Variants in CASP4 observed in about 807,000 individuals in gnomAD.
CASP4 encodes the protein caspase 4.
CASP4 carries 29 observed loss-of-function variants against 41.3 expected under a neutral mutation model. The ratio of observed to expected loss-of-function variants is 0.70; its 90% CI spans 0.52 to 0.96. CASP4 has a LOEUF of 0.96. Ranked by LOEUF, CASP4 falls within the 40% of genes least tolerant of loss-of-function variation. The pLI, the probability that CASP4 is intolerant of heterozygous loss-of-function variation, is 0.00. For missense variants in CASP4, 447 were observed against 460.6 expected (o/e 0.97, Z 0.27); for synonymous variants, 185 against 158.4 (o/e 1.17, Z -1.26).
rs1860596115 is a variant in CASP4 at position 104,950,954 on chromosome 11, C to T, written c.517G>A (p.Val173Ile). The part of the protein sequence containing the change: ...KELLEGLDYS[V>I]DVEENLTARD... ...GCTGTCAGATTCTCTTCTACATCTA[C>T]ACTATAGTCCAGACCCTCAAGTAGC... Residue 173 changes from valine to isoleucine, a missense_variant, in exon 4 of 9, where the codon GTA (valine) becomes ATA (isoleucine). By Grantham distance (29) the Val-to-Ile change is conservative. Transcript: ENST00000444739. 1 of 1,612,978 alleles carries T rather than the reference C, an allele frequency of 6.2e-7. No homozygotes were observed. The highest frequency in any genetic ancestry group is 8.5e-7 in the Non-Finnish European group (1 of 1,179,390).
intron 1 of CASP4, among the ~76,000 whole-genome samples, chr11:104,960,186 T>G (rs1458060188): frequency 6.6e-6 from 1 of 152,194 alleles, no homozygotes; most frequent in Non-Finnish European, 1.5e-5. Context: ...TACTGCTGTC[T>G]GTCTAACCTT....
At chr11:104,952,629 A>G (rs1166436478) in intron 2 of CASP4, among the ~76,000 whole-genome samples, 1 of 152,180 alleles carries the variant, frequency 6.6e-6, no homozygotes, top group Non-Finnish European at 1.5e-5. Flanking sequence ...CACTACACAT[A>G]CAGATAAATA....
chr11:104,951,030 G>T lies in CASP4; in HGVS notation c.441C>A (p.Asp147Glu), dbSNP rs750060240. ...LALIICNTEF[D>E]HLPPRNGADF... ...CAGCTCCATTCCTCGGAGGCAGATG[G>T]TCAAACTCTGTATTGCATATGATGA... The change falls in exon 4 of 9, where the codon GAC (aspartate) becomes GAA (glutamate). Residue 147 changes from aspartate (D) to glutamate (E), a missense_variant. Coordinates refer to ENST00000444739, the MANE Select transcript of CASP4 (RefSeq NM_001225.4). 6.2e-7 allele frequency: 1 copy of T among 1,613,470 alleles called. No individual in the cohort carries two copies. Among genetic ancestry groups the T allele is most frequent in the Non-Finnish European group, 8.5e-7 (1 of 1,179,586 alleles).
chr11:104,958,518 A>G (rs542409800), intron 1 of CASP4, among the ~76,000 whole-genome samples: 4 of 152,340 alleles, frequency 2.6e-5, no homozygotes, highest in African/African-American at 9.6e-5. Context: ...TGTATATGAA[A>G]AATGATCAAC....
intron 1 of CASP4, among the ~76,000 whole-genome samples, 157 bp downstream of exon 1, chr11:104,968,362 C>T (rs1396992560): frequency 2.0e-5 from 3 of 152,196 alleles, no homozygotes; most frequent in Non-Finnish European, 2.9e-5. Context: ...ATATCTCTAA[C>T]ACCAGGTCCC....
chr11:104,957,069 CAAA>C (rs1448902322), intron 1 of CASP4, among the ~76,000 whole-genome samples: 1 of 151,774 alleles, frequency 6.6e-6, no homozygotes, highest in Non-Finnish European at 1.5e-5. Context: ...AATTCGCCAA[CAAA>C]AAGAAATAAA....
At position 104,949,868 on chromosome 11, in the gene CASP4, G is replaced by A. The variant is rs1591127327; in HGVS notation, c.547-91C>T. On this transcript the variant is annotated intron_variant, in intron 4 of 8. Coordinates refer to ENST00000444739, the MANE Select transcript of CASP4 (RefSeq NM_001225.4). ...ACCATGAGCGAAACAAGAAACATAT[G>A]TAACATCCAGGTCGTGGTGCTTCAC... 5 of 1,207,140 alleles carry A rather than the reference G, an allele frequency of 4.1e-6. No individual in the cohort carries two copies. The East Asian group carries it at 1.2e-4, about 29-fold the overall frequency. 74.8% of individuals were successfully genotyped at this position (1,207,140 alleles called of 1,614,324 possible).
chr11:104,949,377 G>T, intron 5 of CASP4, 166 bp downstream of exon 5: 1 of 708,314 alleles, frequency 1.4e-6, no homozygotes, highest in Non-Finnish European at 2.4e-6. Context: ...ATTTTGATGA[G>T]ACAATTTCTT....
chr11:104,967,631 T>G (rs1861004481), intron 1 of CASP4, among the ~76,000 whole-genome samples: 1 of 152,142 alleles, frequency 6.6e-6, no homozygotes, highest in Non-Finnish European at 1.5e-5. Flanking sequence ...TTCATAAGAA[T>G]TATGTGACGA....
At chr11:104,958,242 A>T (rs565403388) in intron 1 of CASP4, among the ~76,000 whole-genome samples, 5 of 152,300 alleles carry the variant, frequency 3.3e-5, no homozygotes, top group Non-Finnish European at 7.4e-5. Context: ...TTTGGATATG[A>T]CAGAAAAGGA....
chr11:104,966,988 T>C (rs544268215), intron 1 of CASP4, among the ~76,000 whole-genome samples: 4 of 152,338 alleles, frequency 2.6e-5, no homozygotes, highest in African/African-American at 9.6e-5. Flanking sequence ...ATGGTTACTA[T>C]AGATTATTTT....
chr11:104,953,818 C>T (rs55701319), intron 2 of CASP4, among the ~76,000 whole-genome samples: 8 of 151,964 alleles, frequency 5.3e-5, no homozygotes, highest in East Asian at 1.9e-4. Context: ...TTTAATAATA[C>T]GTAATTCAAT....
chr11:104,944,887 T>C (rs749953615), intron 7 of CASP4, 36 bp from the exon 8 acceptor site: 1 of 1,316,588 alleles, frequency 7.6e-7, no homozygotes, highest in Non-Finnish European at 1.1e-6. Context: ...GAGATACGAC[T>C]CTTTTCAAGT....
At chr11:104,951,273 G>A (rs930578109) in intron 3 of CASP4, 175 bp from the exon 4 acceptor site, 12 of 485,794 alleles carry the variant, frequency 2.5e-5, no homozygotes, top group African/African-American at 1.4e-4. Flanking sequence ...GGACATATCT[G>A]AAATTGTTAT....
Position 104,958,806 on chromosome 11 carries a change from C to A in CASP4, c.8-3805G>T, listed in dbSNP as rs141542964. ...TAAAACCCTGCTTCTAGTAAAAATACAAAAATTAGCCGAGCGTGGTGGTGG... is the reference window on the plus strand; with the variant it reads ...TAAAACCCTGCTTCTAGTAAAAATAAAAAAATTAGCCGAGCGTGGTGGTGG... On this transcript the variant is annotated intron_variant, in intron 1 of 8. Transcript: ENST00000444739. Among the ~76,000 whole-genome samples the A allele has an allele frequency of 3.2e-3, 479 of 151,616 alleles. 2 individuals carry two copies. Among genetic ancestry groups the A allele is most frequent in the African/African-American group, 0.011 (463 of 41,392 alleles).
At chr11:104,946,852 G>T (rs973370273) in intron 7 of CASP4, 1 of 294,740 alleles carries the variant, frequency 3.4e-6, no homozygotes, top group South Asian at 1.0e-4. Context: ...AAGAACTTAC[G>T]CTCCATAACA....
chr11:104,953,311 G>C (rs1020663396), intron 2 of CASP4, among the ~76,000 whole-genome samples: 5 of 152,052 alleles, frequency 3.3e-5, no homozygotes, highest in Admixed American at 6.6e-5. Flanking sequence ...AGGGGTTGCC[G>C]CTGCCTTATT....
At chr11:104,947,003 T>C (rs1860477058) in intron 7 of CASP4, 80 bp downstream of exon 7, 3 of 988,350 alleles carry the variant, frequency 3.0e-6, no homozygotes, top group Admixed American at 1.8e-5. Flanking sequence ...CTGACAAAAA[T>C]TGTCATTGTG....
chr11:104,963,055 G>A (rs1289319540), intron 1 of CASP4, among the ~76,000 whole-genome samples: 2 of 152,220 alleles, frequency 1.3e-5, no homozygotes, highest in African/African-American at 2.4e-5. Flanking sequence ...AGCCAGAAAT[G>A]TTGGCCGCAT....
Sources: allele counts gnomAD v4.1 joint callset (sites outside exome capture counted in the v4.1 genomes callset), GRCh38; gene constraint gnomAD v4.1.1; transcripts MANE v1.5; gene names NCBI Gene and HGNC (gene_info 2026-07-23, HGNC 2026-07-21).